Variants in LINGO2 observed in about 807,000 individuals in gnomAD.
LINGO2 encodes leucine-rich repeat and immunoglobulin-like domain-containing nogo receptor-interacting protein 2.
A neutral mutation model predicts 30.6 loss-of-function variants in LINGO2; 14 were observed. The observed-to-expected ratio is 0.46, with a 90% CI of 0.30 to 0.72. LINGO2 has a LOEUF of 0.72. Ranked by LOEUF, LINGO2 falls within the 30% of genes least tolerant of loss-of-function variation. The probability of loss-of-function intolerance (pLI) is 0.07; values close to 1 mark genes in which losing one functional copy is unlikely to be tolerated. For missense variants in LINGO2, 729 were observed against 751.7 expected (o/e 0.97, Z 0.35); for synonymous variants, 317 against 288.5 (o/e 1.10, Z -1.00).
At chr9:28,478,518 T>C (rs111261453) in intron 1 of LINGO2, among the ~76,000 whole-genome samples, 2,125 of 152,152 alleles carry the variant, frequency 0.014, 52 homozygotes, top group African/African-American at 0.048. Flanking sequence ...CACCACATTT[T>C]GAGTAACAAG....
chr9:28,934,127 C>A, the LINGO2 span, among the ~76,000 whole-genome samples: 1 of 152,174 alleles, frequency 6.6e-6, no homozygotes, highest in Non-Finnish European at 1.5e-5. Context: ...AATTCCAACT[C>A]TTTTTAATAC....
intron 4 of LINGO2, among the ~76,000 whole-genome samples, chr9:28,178,827 AG>A (rs1161697852): frequency 1.3e-5 from 2 of 152,168 alleles, no homozygotes; most frequent in African/African-American, 2.4e-5. Flanking sequence ...CTATCAGGAA[AG>A]GGAAGACAAG....
chr9:28,969,003 G>A, the LINGO2 span, among the ~76,000 whole-genome samples: 3 of 152,128 alleles, frequency 2.0e-5, no homozygotes, highest in African/African-American at 4.8e-5. Flanking sequence ...ATATAACATA[G>A]TGATGCCTTC....
intron 5 of LINGO2, among the ~76,000 whole-genome samples, chr9:27,980,713 T>A (rs1435209580): frequency 2.6e-5 from 4 of 151,866 alleles, no homozygotes; most frequent in Non-Finnish European, 5.9e-5. Context: ...TGCACATGGT[T>A]TGATTTCATA....
At chr9:28,285,551 A>G (rs962874085) in intron 4 of LINGO2, among the ~76,000 whole-genome samples, 5 of 151,650 alleles carry the variant, frequency 3.3e-5, no homozygotes, top group Non-Finnish European at 7.4e-5. Flanking sequence ...GACTACAGGC[A>G]CCCACCACCA....
chr9:27,984,255 G>A (rs1821021586), intron 5 of LINGO2, among the ~76,000 whole-genome samples: 1 of 151,820 alleles, frequency 6.6e-6, no homozygotes. Context: ...ACAGGTTTAT[G>A]AGCCTTACAA....
rs138824971 is a variant in LINGO2, at chr9:28,011,648, A to G, written c.-36+707T>C. Reference sequence around the variant, plus strand: ...ATTTAATTAAAAGTGATGGAATTGTATTTGATATATATATTAGTTAGAAGC... The same window carrying G: ...ATTTAATTAAAAGTGATGGAATTGTGTTTGATATATATATTAGTTAGAAGC... On this transcript the variant is annotated intron_variant, in intron 5 of 5. Transcript: ENST00000379992. Among the ~76,000 whole-genome samples, 966 of 152,250 alleles carry G rather than the reference A, an allele frequency of 6.3e-3. 16 individuals carry two copies. The highest frequency in any genetic ancestry group is 0.022 in the African/African-American group (902 of 41,526).
At chr9:28,174,921 TGAGA>T (rs71502440) in intron 4 of LINGO2, among the ~76,000 whole-genome samples, 3,285 of 133,254 alleles carry the variant, frequency 0.025, 111 homozygotes, top group African/African-American at 0.08. Context: ...TGTGTGTGTG[TGAGA>T]GAGAGAGAGA....
At chr9:28,193,907 A>G (rs1026191631) in intron 4 of LINGO2, among the ~76,000 whole-genome samples, 6 of 152,222 alleles carry the variant, frequency 3.9e-5, no homozygotes. Context: ...ACAGAGGGAC[A>G]GTCTCCAGGC....
chr9:28,226,697 A>AAGAAAGAAAGAAAGAAAG (rs769720438), intron 4 of LINGO2, among the ~76,000 whole-genome samples: 24 of 60,522 alleles, frequency 4.0e-4, no homozygotes, highest in African/African-American at 1.1e-3. Context: ...GAAAGAAAGA[A>AAGAAAGAAAGAAAGAAAG]AGAAAGAGAA....
At chr9:28,901,043 C>T in the LINGO2 span, among the ~76,000 whole-genome samples, 1 of 151,956 alleles carries the variant, frequency 6.6e-6, no homozygotes, top group South Asian at 2.1e-4. Flanking sequence ...AAATCAAAGA[C>T]AAAAAGAAAA....
the LINGO2 span, among the ~76,000 whole-genome samples, chr9:29,162,365 T>C: frequency 6.6e-6 from 1 of 152,242 alleles, no homozygotes; most frequent in African/African-American, 2.4e-5. Context: ...GAAGCCACTT[T>C]ATGAATTCAT....
At chr9:29,113,962 GAAA>G in the LINGO2 span, among the ~76,000 whole-genome samples, 31 of 145,298 alleles carry the variant, frequency 2.1e-4, no homozygotes, top group East Asian at 1.8e-3. Context: ...AAAGCTTTAG[GAAA>G]AAAAAAAAAA....
At chr9:28,169,477 A>G (rs963290853) in intron 4 of LINGO2, among the ~76,000 whole-genome samples, 2 of 152,190 alleles carry the variant, frequency 1.3e-5, no homozygotes, top group Admixed American at 6.5e-5. Context: ...GTAATAACCT[A>G]TCAATAAGGA....
chr9:28,748,012 G>A, the LINGO2 span, among the ~76,000 whole-genome samples: 44 of 152,120 alleles, frequency 2.9e-4, 3 homozygotes, highest in African/African-American at 1.0e-3. Context: ...ACCACAGAAG[G>A]AACAACTTTC....
chr9:28,926,704 T>G, the LINGO2 span, among the ~76,000 whole-genome samples: 73 of 152,354 alleles, frequency 4.8e-4, no homozygotes, highest in African/African-American at 1.7e-3. Flanking sequence ...CTTAACTATA[T>G]ATGTGGTGTT....
chr9:29,070,758 C>G, the LINGO2 span, among the ~76,000 whole-genome samples: 1 of 149,442 alleles, frequency 6.7e-6, no homozygotes, highest in Non-Finnish European at 1.5e-5. Context: ...AAAAAAGAAC[C>G]TGAAAATTGG....
chr9:28,211,164 A>C (rs1820575909), intron 4 of LINGO2, among the ~76,000 whole-genome samples: 1 of 151,570 alleles, frequency 6.6e-6, no homozygotes, highest in African/African-American at 2.4e-5. Context: ...GTCAACATGG[A>C]CTATACAAAT....
At chr9:28,597,353 G>A (rs895983267) in intron 1 of LINGO2, among the ~76,000 whole-genome samples, 2 of 152,256 alleles carry the variant, frequency 1.3e-5, no homozygotes, top group Admixed American at 6.5e-5. Flanking sequence ...CAGAAGTGCC[G>A]AAGTGAAGAA....
Sources: gnomAD v4.1 joint callset for allele counts (sites outside exome capture counted in the v4.1 genomes callset) on GRCh38, gnomAD v4.1.1 for gene constraint, MANE v1.5 for transcripts, NCBI Gene and HGNC (gene_info 2026-07-23, HGNC 2026-07-21) for gene names.